CNKSR2: variants seen among roughly 807,000 people sequenced by gnomAD.
CNKSR2 encodes connector enhancer of kinase suppressor of Ras 2.
Under a neutral mutation model 84.4 loss-of-function variants are expected in CNKSR2, and 14 were observed. That is an observed-to-expected ratio of 0.17 (90% CI 0.11 to 0.26). CNKSR2 has a LOEUF of 0.26. Among genes scored for constraint, CNKSR2 ranks in the 10% least tolerant of loss-of-function variants. The pLI is 1.00. For synonymous variants in CNKSR2, 275 were observed against 277.9 expected (o/e 0.99, Z 0.10); for missense variants, 485 against 771.2 (o/e 0.63, Z 4.40).
At chrX:21,379,396 T>A (rs1006124675) in intron 1 of CNKSR2, among the ~76,000 whole-genome samples, 1 of 112,580 alleles carries the variant, frequency 8.9e-6, no homozygotes, top group African/African-American at 3.2e-5. Context: ...TTAGGGTTTT[T>A]TTTCAATTGA....
intron 20 of CNKSR2, among the ~76,000 whole-genome samples, chrX:21,625,520 G>A (rs1036210555): frequency 9.6e-4 from 107 of 111,725 alleles, no homozygotes; most frequent in African/African-American, 3.2e-3. Flanking sequence ...ATATTTTTAA[G>A]TTATATTTAT....
chrX:21,602,328 G>C (rs922941824), intron 18 of CNKSR2, among the ~76,000 whole-genome samples: 2 of 110,674 alleles, frequency 1.8e-5, no homozygotes, highest in Non-Finnish European at 3.8e-5. Context: ...TTTTATTTTT[G>C]CTTGTTGTTT....
At chrX:21,493,928 G>T (rs1363220791) in intron 6 of CNKSR2, 1 of 111,337 alleles carries the variant, frequency 9.0e-6, no homozygotes, top group Non-Finnish European at 1.9e-5. Context: ...CTTTATTCTT[G>T]TGGCATTTAA....
intron 1 of CNKSR2, among the ~76,000 whole-genome samples, chrX:21,416,922 T>C (rs992159311): frequency 8.9e-6 from 1 of 111,828 alleles, no homozygotes; most frequent in African/African-American, 3.2e-5. Flanking sequence ...CAATTTCATT[T>C]GTCTATGGTC....
At chrX:21,451,524 AATG>A (rs2090928740) in intron 4 of CNKSR2, among the ~76,000 whole-genome samples, 1 of 109,913 alleles carries the variant, frequency 9.1e-6, no homozygotes, top group Non-Finnish European at 1.9e-5. Context: ...AGCCATAAAA[AATG>A]ATGAGTTCAT....
At chrX:21,508,275 G>T (rs2091634840) in intron 8 of CNKSR2, among the ~76,000 whole-genome samples, 1 of 111,844 alleles carries the variant, frequency 8.9e-6, no homozygotes, top group Admixed American at 9.4e-5. Flanking sequence ...GGTTGCAGAG[G>T]GCTATGATCG....
intron 8 of CNKSR2, among the ~76,000 whole-genome samples, chrX:21,502,717 A>G (rs1284056581): frequency 8.9e-6 from 1 of 111,858 alleles, no homozygotes; most frequent in African/African-American, 3.2e-5. Context: ...TTCATTATCT[A>G]AGTGAAGTAA....
intron 8 of CNKSR2, among the ~76,000 whole-genome samples, chrX:21,508,047 T>A (rs905576198): frequency 1.2e-4 from 14 of 112,656 alleles, no homozygotes; most frequent in Non-Finnish European, 2.3e-4. Context: ...GTATTGTGGC[T>A]GAGGGCGGTG....
intron 1 of CNKSR2, among the ~76,000 whole-genome samples, chrX:21,389,803 G>A (rs1350869263): frequency 2.7e-5 from 3 of 112,387 alleles, no homozygotes; most frequent in African/African-American, 9.7e-5. Flanking sequence ...AGTTTTCCAC[G>A]TGTGAACATT....
chrX:21,652,560 C>A lies in CNKSR2; in HGVS notation c.*39C>A, dbSNP rs375615282. The A allele has an allele frequency of 2.9e-6, 3 of 1,019,639 alleles. No individual in the cohort carries two copies. In the African/African-American group the frequency reaches 5.6e-5, roughly 19 times the overall value. 84.0% of individuals were successfully genotyped at this position (1,019,639 alleles called of 1,213,427 possible). On this transcript the variant is annotated 3_prime_UTR_variant, in exon 22 of 22. Transcript: ENST00000379510. ...TCAGACCATCTAGTACCTGCTGGTA[C>A]TCTGAACAAGTATATAAGGTAGTTT...
chrX:21,602,233 C>T (rs1304698672), intron 18 of CNKSR2, among the ~76,000 whole-genome samples: 2 of 111,205 alleles, frequency 1.8e-5, no homozygotes, highest in African/African-American at 6.5e-5. Flanking sequence ...CAGCCTCGAC[C>T]TCCCAGGTTC....
At chrX:21,508,871 A>C (rs1025497812) in intron 8 of CNKSR2, among the ~76,000 whole-genome samples, 1 of 112,212 alleles carries the variant, frequency 8.9e-6, no homozygotes, top group African/African-American at 3.2e-5. Flanking sequence ...TTACATGAAA[A>C]ATTATTATCA....
Position 21,407,555 on chromosome X carries a change from G to A in CNKSR2, c.65-18942G>A, listed in dbSNP as rs143108666. ...CCCTCCTATTCAAGCAGAAATTTTG[G>A]TTGTTTTTCCCTCCTTCTTGGCAAG... is the stretch of plus-strand genomic sequence containing the variant. On this transcript the variant is annotated intron_variant, in intron 1 of 21. Transcript: ENST00000379510. Among the ~76,000 whole-genome samples, 1,043 of 110,903 alleles carry A rather than the reference G, an allele frequency of 9.4e-3. 11 individuals carry two copies. Among genetic ancestry groups the A allele is most frequent in the African/African-American group, 0.031 (957 of 30,613 alleles).
intron 2 of CNKSR2, among the ~76,000 whole-genome samples, chrX:21,430,283 T>C (rs1329293083): frequency 1.8e-5 from 2 of 111,797 alleles, no homozygotes; most frequent in African/African-American, 6.5e-5. Flanking sequence ...TCTTGAGTCA[T>C]ATGAAAAATA....
chrX:21,511,674 T>C (rs1011606189), intron 8 of CNKSR2, among the ~76,000 whole-genome samples: 1 of 111,348 alleles, frequency 9.0e-6, no homozygotes, highest in Non-Finnish European at 1.9e-5. Flanking sequence ...AAGCACAGTG[T>C]TTGAAGGAAA....
At chrX:21,560,824 G>C (rs192056557) in intron 11 of CNKSR2, among the ~76,000 whole-genome samples, 32 of 111,161 alleles carry the variant, frequency 2.9e-4, no homozygotes, top group African/African-American at 1.0e-3. Flanking sequence ...ACAGACCCAG[G>C]GGGAAATGGA....
chrX:21,428,926 T>C lies in CNKSR2; in HGVS notation c.228+2266T>C, dbSNP rs576115163. On this transcript the variant is annotated intron_variant, in intron 2 of 21. Coordinates refer to ENST00000379510, the MANE Select transcript of CNKSR2 (RefSeq NM_014927.5). ...CTCATATTTATAAAGCAATGTATTA[T>C]AAAGCTAAAAAGGTGCTACACGATG... is the stretch of plus-strand genomic sequence containing the variant. 64 of 111,746 alleles carry C rather than the reference T, an allele frequency of 5.7e-4. 2 individuals carry two copies. The South Asian group carries it at 0.023, about 41-fold the overall frequency. The allele number at this position is 111,746 out of a possible 1,213,427, so 9.2% of individuals were successfully genotyped here.
At chrX:21,518,622 T>C (rs767887913) in intron 9 of CNKSR2, among the ~76,000 whole-genome samples, 1 of 111,436 alleles carries the variant, frequency 9.0e-6, no homozygotes, top group South Asian at 3.7e-4. Context: ...TGGGTGTAGG[T>C]ATTCAAACCT....
At chrX:21,422,813 G>A (rs1463624579) in intron 1 of CNKSR2, among the ~76,000 whole-genome samples, 1 of 111,135 alleles carries the variant, frequency 9.0e-6, no homozygotes, top group African/African-American at 3.3e-5. Flanking sequence ...TTTGTATAAT[G>A]TATCAGAATA....
Sources: gnomAD v4.1 joint callset for allele counts (sites outside exome capture counted in the v4.1 genomes callset) on GRCh38, gnomAD v4.1.1 for gene constraint, MANE v1.5 for transcripts, NCBI Gene and HGNC (gene_info 2026-07-23, HGNC 2026-07-21) for gene names.